Variants in PABPC4L observed in about 807,000 individuals in gnomAD.
PABPC4L encodes polyadenylate-binding protein 4-like.
For synonymous variants in PABPC4L, 169 were observed against 164.1 expected, an observed-to-expected ratio of 1.03 and a Z score of -0.23; for missense variants, 452 against 451.4, an observed-to-expected ratio of 1.00 and a Z score of -0.01.
chr4:134,055,442 G>C, the PABPC4L span, among the ~76,000 whole-genome samples: 1 of 148,302 alleles, frequency 6.7e-6, no homozygotes, highest in Non-Finnish European at 1.5e-5. Context: ...TCATCCACAA[G>C]CCAGAAAGAA....
the PABPC4L span, among the ~76,000 whole-genome samples, chr4:134,017,326 T>C: frequency 2.8e-3 from 430 of 152,264 alleles, 4 homozygotes; most frequent in African/African-American, 9.7e-3. Flanking sequence ...CCATTTGAGC[T>C]CCTGTTTAGA....
chr4:134,164,219 C>T, the PABPC4L span, among the ~76,000 whole-genome samples: 3 of 141,934 alleles, frequency 2.1e-5, no homozygotes, highest in East Asian at 2.0e-4. Flanking sequence ...GCCGAGATCC[C>T]GCCACTGCAC....
chr4:134,155,497 A>G, the PABPC4L span, among the ~76,000 whole-genome samples: 1 of 151,706 alleles, frequency 6.6e-6, no homozygotes, highest in Admixed American at 6.6e-5. Flanking sequence ...TCTGAGATCT[A>G]TGTCTATCTT....
At chr4:134,099,526 A>T in the PABPC4L span, among the ~76,000 whole-genome samples, 1 of 151,772 alleles carries the variant, frequency 6.6e-6, no homozygotes, top group African/African-American at 2.4e-5. Flanking sequence ...ATACAAAAAC[A>T]TATTTTTTCT....
rs1010215170 is a variant in PABPC4L at position 134,200,301 on chromosome 4, T to C, written c.719A>G (p.His240Arg). 1.3e-6 allele frequency: 2 copies of C among 1,585,306 alleles called. No homozygotes were observed. The highest frequency in any genetic ancestry group is 1.7e-6 in the Non-Finnish European group (2 of 1,164,374). The change falls in exon 2 of 2, where the codon CAT (histidine) becomes CGT (arginine). Residue 240 changes from histidine (H) to arginine (R), a missense_variant. His to Arg is a conservative substitution (Grantham distance 29). Transcript: ENST00000421491. ...KGFGFVSFDS[H>R]EAAKKAVEEM... is the part of the protein sequence containing the mutation. ...TTCAACAGCTTTCTTGGCAGCCTCA[T>C]GGCTATCAAAACTCACAAAGCCAAA...
the PABPC4L span, among the ~76,000 whole-genome samples, chr4:134,085,168 T>C: frequency 6.6e-6 from 1 of 152,080 alleles, no homozygotes; most frequent in Admixed American, 6.6e-5. Flanking sequence ...TCTTTTAACC[T>C]TCAGGCTGTT....
chr4:134,029,413 T>G, the PABPC4L span, among the ~76,000 whole-genome samples: 1 of 152,030 alleles, frequency 6.6e-6, no homozygotes, highest in Non-Finnish European at 1.5e-5. Context: ...TTGTGAAATT[T>G]AGGGTGAGCT....
chr4:134,172,620 G>A, the PABPC4L span, among the ~76,000 whole-genome samples: 2 of 152,066 alleles, frequency 1.3e-5, no homozygotes, highest in African/African-American at 2.4e-5. Context: ...TCATGATGAA[G>A]ATGCCAAAAA....
chr4:134,067,793 T>C, the PABPC4L span, among the ~76,000 whole-genome samples: 1 of 152,192 alleles, frequency 6.6e-6, no homozygotes, highest in Non-Finnish European at 1.5e-5. Flanking sequence ...CCAAAAGTCA[T>C]TCAAGAGCAA....
At chr4:134,174,715 T>G in the PABPC4L span, among the ~76,000 whole-genome samples, 1 of 152,218 alleles carries the variant, frequency 6.6e-6, no homozygotes, top group African/African-American at 2.4e-5. Context: ...ATTATCTACG[T>G]AAGTATTCAT....
chr4:133,955,280 AT>A, the PABPC4L span, among the ~76,000 whole-genome samples: 8 of 151,658 alleles, frequency 5.3e-5, no homozygotes, highest in East Asian at 3.9e-4. Context: ...AAAAAAAAAG[AT>A]TTTTTTTTAA....
the PABPC4L span, among the ~76,000 whole-genome samples, chr4:133,979,905 C>T: frequency 2.0e-5 from 3 of 152,028 alleles, no homozygotes; most frequent in African/African-American, 7.2e-5. Context: ...CTTGTTTTTC[C>T]ATTGTAGGCT....
At chr4:133,949,443 T>G in the PABPC4L span, among the ~76,000 whole-genome samples, 1 of 152,320 alleles carries the variant, frequency 6.6e-6, no homozygotes, top group African/African-American at 2.4e-5. Context: ...TTTCACACCT[T>G]GTATTAGGAT....
chr4:134,121,014 A>G, the PABPC4L span, among the ~76,000 whole-genome samples: 1 of 150,838 alleles, frequency 6.6e-6, no homozygotes, highest in African/African-American at 2.4e-5. Flanking sequence ...ATTTTTGTCT[A>G]TGTGTTTTTA....
At chr4:134,185,234 A>G in the PABPC4L span, among the ~76,000 whole-genome samples, 1 of 152,066 alleles carries the variant, frequency 6.6e-6, no homozygotes, top group African/African-American at 2.4e-5. Flanking sequence ...CCACAACAAA[A>G]AAAAGAGAAT....
the PABPC4L span, among the ~76,000 whole-genome samples, chr4:134,000,580 C>T: frequency 3.3e-5 from 5 of 152,120 alleles, no homozygotes; most frequent in Non-Finnish European, 7.4e-5. Context: ...TCTCAGAATG[C>T]TCAGATAACT....
the PABPC4L span, among the ~76,000 whole-genome samples, chr4:133,980,087 G>A: frequency 1.3e-5 from 2 of 152,172 alleles, no homozygotes; most frequent in African/African-American, 4.8e-5. Flanking sequence ...CCATCTCCTT[G>A]AGACTTGTGA....
chr4:134,008,981 T>C, the PABPC4L span, among the ~76,000 whole-genome samples: 1 of 151,802 alleles, frequency 6.6e-6, no homozygotes. Context: ...CATAGAGATA[T>C]AAAATTTTAT....
the PABPC4L span, among the ~76,000 whole-genome samples, chr4:133,998,237 T>G: frequency 3.9e-5 from 6 of 151,948 alleles, no homozygotes; most frequent in South Asian, 1.2e-3. Flanking sequence ...ATGGTCTATA[T>G]TTTCTTCAGA....
Sources: gnomAD v4.1 joint callset for allele counts (sites outside exome capture counted in the v4.1 genomes callset) on GRCh38, gnomAD v4.1.1 for gene constraint, MANE v1.5 for transcripts, NCBI Gene and HGNC (gene_info 2026-07-23, HGNC 2026-07-21) for gene names.